DNAH10: variants seen among roughly 807,000 people sequenced by gnomAD.
DNAH10 encodes axonemal beta dynein heavy chain 10.
A neutral mutation model predicts 506.6 loss-of-function variants in DNAH10; 348 were observed. The observed-to-expected ratio is 0.69, with a 90% confidence interval of 0.63 to 0.75. The LOEUF is 0.75. DNAH10 is among the 30% of genes least tolerant of loss of function. The probability of loss-of-function intolerance (pLI) is 0.00; values close to 1 mark genes in which losing one functional copy is unlikely to be tolerated. For missense variants in DNAH10, 5,179 were observed against 5,787.1 expected, an observed-to-expected ratio of 0.89 and a Z score of 3.41; for synonymous variants, 2,059 against 2,198.6, an observed-to-expected ratio of 0.94 and a Z score of 1.78.
intron 5 of DNAH10, among the ~76,000 whole-genome samples, chr12:123,775,309 A>G (rs1957398698): frequency 6.6e-6 from 1 of 152,030 alleles, no homozygotes; most frequent in African/African-American, 2.4e-5. Context: ...GGGTCTCACC[A>G]TGTTGCCTAG....
At position 123,786,008 on chromosome 12, in the gene DNAH10, C is replaced by G. The variant is rs185041202; in HGVS notation, c.1421+72C>G. ...TTTACTTTTTAGATCTTAAACAGCT[C>G]TATTGAGCTATAATTCACATATAAT... On this transcript the variant is annotated intron_variant, in intron 9 of 78. Coordinates refer to ENST00000673944, the MANE Select transcript of DNAH10 (RefSeq NM_001372106.1). The G allele has an allele frequency of 4.9e-4, 700 of 1,426,502 alleles. 2 individuals are homozygous for G. The African/African-American group carries it at 8.8e-3, about 18-fold the overall frequency. 88.4% of individuals were successfully genotyped at this position (1,426,502 alleles called of 1,614,324 possible). A position where few individuals can be genotyped will look rare whatever the true frequency, so the allele number is the denominator to read the frequency against.
rs189075432 is a variant in DNAH10, at chr12:123,831,008, A to G, written c.4545+309A>G. Among the ~76,000 whole-genome samples, 189 of 152,344 alleles carry G rather than the reference A, an allele frequency of 1.2e-3. 1 individual carries two copies. Among genetic ancestry groups the G allele is most frequent in the Non-Finnish European group, 2.0e-3 (136 of 68,036 alleles). On this transcript the variant is annotated intron_variant, in intron 26 of 78. Transcript: ENST00000673944. ...CTAGTACCTGCTGTACTTCAGTAATAAAGAATTATTTGTTGTAGAAATAGA... is the reference window on the plus strand; with the variant it reads ...CTAGTACCTGCTGTACTTCAGTAATGAAGAATTATTTGTTGTAGAAATAGA...
rs1555302946 is a variant in DNAH10, at chr12:123,768,141, C to CCTT, written c.298+453_298+455dup. ...CTCTCCTCCTCCTCCTCCTCCTCCTCCTTTTTTTTTGAGACAGGGTCTCGC... is the reference window on the plus strand; with the variant it reads ...CTCTCCTCCTCCTCCTCCTCCTCCTCCTTCTTTTTTTTTGAGACAGGGTCTCGC... On this transcript the variant is annotated intron_variant, in intron 2 of 78. Coordinates refer to ENST00000673944, the MANE Select transcript of DNAH10 (RefSeq NM_001372106.1). Among the ~76,000 whole-genome samples, 40 of 109,242 alleles carry CCTT rather than the reference C, an allele frequency of 3.7e-4. 2 individuals carry two copies. Among genetic ancestry groups the CCTT allele is most frequent in the African/African-American group, 1.2e-3 (40 of 34,658 alleles). The allele number at this position is 109,242 out of a possible 152,430, so 71.7% of individuals were successfully genotyped here.
At chr12:123,897,691 C>G in intron 54 of DNAH10, 79 bp from the exon 55 acceptor site, 11 of 1,507,884 alleles carry the variant, frequency 7.3e-6, no homozygotes, top group Non-Finnish European at 9.9e-6. Flanking sequence ...CGCCACTGCA[C>G]TCCAGCCTGG....
At chr12:123,799,985 A>G (rs79799059) in intron 14 of DNAH10, among the ~76,000 whole-genome samples, 3,230 of 152,286 alleles carry the variant, frequency 0.021, 107 homozygotes, top group African/African-American at 0.066. Flanking sequence ...GGGAAGGCAG[A>G]AGGAATTTTT....
chr12:123,775,900 T>A (rs1010624548), intron 5 of DNAH10, among the ~76,000 whole-genome samples: 1 of 152,134 alleles, frequency 6.6e-6, no homozygotes, highest in African/African-American at 2.4e-5. Context: ...TCTGCATGGC[T>A]GTGGAGGCCT....
intron 54 of DNAH10, among the ~76,000 whole-genome samples, chr12:123,896,148 C>CACATAGAGAGAGAGAGAGAGAGAG (rs1383690518): frequency 1.0e-5 from 1 of 95,272 alleles, no homozygotes; most frequent in Non-Finnish European, 1.9e-5. Context: ...CACACACACA[C>CACATAGAGAGAGAGAGAGAGAGAG]AGAGAGAGAG....
chr12:123,799,998 G>T (rs1311729828), intron 14 of DNAH10, among the ~76,000 whole-genome samples: 1 of 152,128 alleles, frequency 6.6e-6, no homozygotes, highest in Non-Finnish European at 1.5e-5. Flanking sequence ...GAATTTTTAG[G>T]TGAAATTGCT....
intron 18 of DNAH10, among the ~76,000 whole-genome samples, chr12:123,805,320 A>G (rs542513294): frequency 2.4e-4 from 36 of 152,334 alleles, no homozygotes; most frequent in African/African-American, 8.4e-4. Flanking sequence ...CTGTCACTCA[A>G]TATTGGCTAG....
chr12:123,931,966 G>A lies in DNAH10; in HGVS notation c.13154G>A (p.Ser4385Asn), dbSNP rs1282153411. ...QRALAGEVGMSNELDDVARSL... is the reference protein window; with the variant it reads ...QRALAGEVGMNNELDDVARSL... ...GCCTTGGCTGGAGAAGTTGGAATGA[G>A]CAATGAGTTAGATGATGTGGCCAGG... The change falls in exon 76 of 79, where the codon AGC (serine) becomes AAC (asparagine). Residue 4385 changes from serine (S) to asparagine (N), a missense_variant. Physicochemically the swap from Ser to Asn is conservative, Grantham distance 46. This residue lies in a region of DNAH10 where 4,844 missense variants were observed against 5,430.5 expected (regional missense o/e 0.89). Coordinates refer to ENST00000673944, the MANE Select transcript of DNAH10 (RefSeq NM_001372106.1). The A allele has an allele frequency of 9.3e-6, 15 of 1,613,918 alleles. No individual in the cohort carries two copies. Among genetic ancestry groups the A allele is most frequent in the Admixed American group, 3.3e-5 (2 of 60,014 alleles).
chr12:123,875,975 C>T (rs1352290812), intron 47 of DNAH10, among the ~76,000 whole-genome samples: 1 of 152,204 alleles, frequency 6.6e-6, no homozygotes, highest in Non-Finnish European at 1.5e-5. Context: ...GTGCACACTG[C>T]CTAGTGCATA....
chr12:123,935,365 T>A lies in DNAH10; in HGVS notation c.13654T>A (p.Ser4552Thr), dbSNP rs1955448331. Reference protein sequence around the residue: ...NTFRTPVYTTSMRRNAMGVGL... With the variant: ...NTFRTPVYTTTMRRNAMGVGL... ...TTTCCGGACCCCCGTCTACACCACC[T>A]CCATGAGAAGGAACGCCATGGGAGT... Residue 4552 changes from serine (S) to threonine (T), a missense_variant, in exon 79 of 79, where the codon TCC becomes ACC. Ser to Thr is a moderately conservative substitution (Grantham distance 58). Transcript: ENST00000673944. 1 of 1,610,712 alleles carries A rather than the reference T, an allele frequency of 6.2e-7. No individual in the cohort carries two copies. The highest frequency in any genetic ancestry group is 1.1e-5 in the South Asian group (1 of 90,996).
intron 24 of DNAH10, among the ~76,000 whole-genome samples, chr12:123,822,525 T>G (rs1337546081): frequency 6.6e-6 from 1 of 152,244 alleles, no homozygotes; most frequent in East Asian, 1.9e-4. Context: ...CCTGTATCTA[T>G]ATCTAATCTA....
intron 47 of DNAH10, among the ~76,000 whole-genome samples, chr12:123,875,921 T>C (rs964123010): frequency 1.3e-5 from 2 of 152,002 alleles, no homozygotes; most frequent in Non-Finnish European, 1.5e-5. Flanking sequence ...CCTCACTGGG[T>C]TTTGGGAGGA....
chr12:123,916,422 G>C lies in DNAH10; in HGVS notation c.10723-35G>C, dbSNP rs562597527. 6.3e-6 allele frequency: 10 copies of C among 1,580,348 alleles called. No individual in the cohort carries two copies. In the South Asian group the frequency reaches 9.4e-5, roughly 15 times the overall value. ...ATATTTGGCAGGGCCACAGTTAAAC[G>C]TGGGCTTTCAGCATCTGCCTCCCTT... On this transcript the variant is annotated intron_variant, in intron 62 of 78. Transcript: ENST00000673944. The surrounding 1 kb of genome is among the most constrained non-coding windows in gnomAD (Gnocchi z 4.6).
intron 26 of DNAH10, 119 bp downstream of exon 26, chr12:123,830,818 C>A: frequency 1.9e-6 from 2 of 1,056,620 alleles, no homozygotes; most frequent in Non-Finnish European, 2.6e-6. Flanking sequence ...GGTGGTATGC[C>A]ATTACTCCCA....
chr12:123,908,994 G>A (rs776931633), intron 57 of DNAH10, among the ~76,000 whole-genome samples: 23 of 152,136 alleles, frequency 1.5e-4, no homozygotes, highest in African/African-American at 5.3e-4. Flanking sequence ...CAGACGCTCC[G>A]GGGACGGCCT....
At position 123,926,296 on chromosome 12, in the gene DNAH10, C is replaced by A; in HGVS notation, c.11922-341C>A. ...CACACACAAAACACAAAACTCAAAA[C>A]TCAAGATGTGGACCATTCAGGACAC... On this transcript the variant is annotated intron_variant, in intron 68 of 78. Coordinates refer to ENST00000673944, the MANE Select transcript of DNAH10 (RefSeq NM_001372106.1). This position sits in a 1 kb window ranked among gnomAD's most constrained non-coding sequence, Gnocchi z 4.1. 2 of 238,936 alleles carry A rather than the reference C, an allele frequency of 8.4e-6. No homozygotes were observed. Among genetic ancestry groups the A allele is most frequent in the Non-Finnish European group, 7.9e-6 (1 of 126,038 alleles). 14.8% of individuals were successfully genotyped at this position (238,936 alleles called of 1,614,324 possible). A position where few individuals can be genotyped will look rare whatever the true frequency, so the allele number is the denominator to read the frequency against.
Position 123,871,591 on chromosome 12 carries a change from G to A in DNAH10, c.7774G>A (p.Glu2592Lys). Residue 2592 changes from glutamate to lysine, a missense_variant, in exon 45 of 79, where the codon GAA (glutamate) becomes AAA (lysine). By Grantham distance (56) the Glu-to-Lys change is moderately conservative. Coordinates refer to ENST00000673944, the MANE Select transcript of DNAH10 (RefSeq NM_001372106.1). ...TTQNFLKNLS[E>K]ETNIVLMVNF... ...CCAGAATTTCCTCAAAAATCTGAGT[G>A]AAGAAACTAACGTAAGTCATTATTC... 5.8e-6 allele frequency: 9 copies of A among 1,550,276 alleles called. No homozygotes were observed. Among genetic ancestry groups the A allele is most frequent in the Non-Finnish European group, 7.0e-6 (8 of 1,147,034 alleles).
Sources: allele counts gnomAD v4.1 joint callset (sites outside exome capture counted in the v4.1 genomes callset), GRCh38; gene constraint gnomAD v4.1.1; regional missense constraint gnomAD v4.1.1; non-coding constraint Gnocchi (gnomAD v3.1); transcripts MANE v1.5; gene names NCBI Gene and HGNC (gene_info 2026-07-23, HGNC 2026-07-21).